Variants in NEURL1 observed in about 807,000 individuals in gnomAD.
The protein encoded by NEURL1 is neuralized E3 ubiquitin protein ligase 1, also known as E3 ubiquitin-protein ligase NEURL1.
Under a neutral mutation model 41.2 loss-of-function variants are expected in NEURL1, and 26 were observed. The observed-to-expected ratio is 0.63, with a 90% confidence interval of 0.46 to 0.87. The LOEUF (loss-of-function observed/expected upper bound fraction) is 0.87. NEURL1 is among the 40% of genes least tolerant of loss of function. The pLI, the probability that NEURL1 is intolerant of heterozygous loss-of-function variation, is 0.00. For missense variants in NEURL1, 761 were observed against 871.1 expected, an observed-to-expected ratio of 0.87 and a Z score of 1.59; for synonymous variants, 400 against 402.3, an observed-to-expected ratio of 0.99 and a Z score of 0.07.
At chr10:103,589,380 C>A in intron 4 of NEURL1, 134 bp from the exon 5 acceptor site, 1 of 976,728 alleles carries the variant, frequency 1.0e-6, no homozygotes, top group Middle Eastern at 2.2e-4. Flanking sequence ...CCGCGCCAGC[C>A]TGCAAAATCC....
At chr10:103,587,958 C>T (rs541206813) in intron 4 of NEURL1, among the ~76,000 whole-genome samples, 1 of 152,268 alleles carries the variant, frequency 6.6e-6, no homozygotes, top group Admixed American at 6.5e-5. Context: ...GTGTGCAGGG[C>T]ATTATGTTAG....
intron 2 of NEURL1, 34 bp from the exon 3 acceptor site, chr10:103,571,467 A>G (rs1250973195): frequency 6.4e-7 from 1 of 1,569,092 alleles, no homozygotes; most frequent in Non-Finnish European, 8.6e-7. Context: ...ACCAAGTGGG[A>G]GAGGGTGGGC....
intron 1 of NEURL1, among the ~76,000 whole-genome samples, chr10:103,552,085 G>A (rs1211703766): frequency 1.3e-5 from 2 of 152,160 alleles, no homozygotes; most frequent in African/African-American, 2.4e-5. Flanking sequence ...TGTGAAGCCC[G>A]AGGGGAGTGA....
At chr10:103,568,897 C>T (rs2035481398) in intron 1 of NEURL1, among the ~76,000 whole-genome samples, 1 of 152,210 alleles carries the variant, frequency 6.6e-6, no homozygotes, top group African/African-American at 2.4e-5. Context: ...TCACTGCAAC[C>T]TCCACCTTCT....
At chr10:103,590,020 C>T (rs554336799) in intron 5 of NEURL1, 114 bp from the exon 6 acceptor site, 7 of 1,087,248 alleles carry the variant, frequency 6.4e-6, no homozygotes, top group Non-Finnish European at 9.5e-6. Flanking sequence ...TCAGGGTGAA[C>T]AGGCAGATCC....
chr10:103,588,084 C>A (rs2035959127), intron 4 of NEURL1, among the ~76,000 whole-genome samples: 1 of 151,734 alleles, frequency 6.6e-6, no homozygotes, highest in African/African-American at 2.4e-5. Context: ...GCGGGTGGAT[C>A]ACAAGGTCAG....
intron 1 of NEURL1, among the ~76,000 whole-genome samples, chr10:103,568,977 G>A (rs561274739): frequency 6.6e-6 from 1 of 152,216 alleles, no homozygotes; most frequent in South Asian, 2.1e-4. Context: ...ACCACGCCCA[G>A]CTAATTTTTG....
chr10:103,495,784 A>G (rs1372019192), intron 1 of NEURL1, among the ~76,000 whole-genome samples: 1 of 152,212 alleles, frequency 6.6e-6, no homozygotes, highest in Non-Finnish European at 1.5e-5. Flanking sequence ...GGAAATTAAT[A>G]TGGCAATACA....
At chr10:103,495,253 C>G (rs1417885995) in intron 1 of NEURL1, among the ~76,000 whole-genome samples, 2 of 152,196 alleles carry the variant, frequency 1.3e-5, no homozygotes, top group African/African-American at 2.4e-5. Context: ...CTCCCGGGCC[C>G]TCAGACCCTA....
chr10:103,536,424 G>C (rs184225335), intron 1 of NEURL1, among the ~76,000 whole-genome samples: 1 of 152,030 alleles, frequency 6.6e-6, no homozygotes, highest in African/African-American at 2.4e-5. Context: ...GGCACCTGTA[G>C]TTCCAGCTAC....
At chr10:103,519,107 C>T (rs1333363425) in intron 1 of NEURL1, among the ~76,000 whole-genome samples, 1 of 151,896 alleles carries the variant, frequency 6.6e-6, no homozygotes, top group Non-Finnish European at 1.5e-5. Context: ...ATTAGCTGGG[C>T]ATGGTGGCGG....
At position 103,580,066 on chromosome 10, in the gene NEURL1, G is replaced by A. The variant is rs562042079; in HGVS notation, c.650-4470G>A. On this transcript the variant is annotated intron_variant, in intron 3 of 5. Coordinates refer to ENST00000369780, the MANE Select transcript of NEURL1 (RefSeq NM_004210.5). ...TCTCCCAGACTCCCTGCCCAGGGCTGGGCACACAGTAGGTCAGTGAGTAGG... is the reference window on the plus strand; with the variant it reads ...TCTCCCAGACTCCCTGCCCAGGGCTAGGCACACAGTAGGTCAGTGAGTAGG... Among the ~76,000 whole-genome samples the A allele has an allele frequency of 2.6e-5, 4 of 152,248 alleles. No individual in the cohort carries two copies. The East Asian group carries it at 7.7e-4, about 29-fold the overall frequency.
At chr10:103,494,967 T>C (rs953601389) in intron 1 of NEURL1, among the ~76,000 whole-genome samples, 87 of 152,348 alleles carry the variant, frequency 5.7e-4, no homozygotes, top group African/African-American at 2.0e-3. Flanking sequence ...TGCTGGTTCC[T>C]GGGGTCCTTT....
chr10:103,569,739 C>T (rs187240887), intron 1 of NEURL1, among the ~76,000 whole-genome samples: 4 of 152,332 alleles, frequency 2.6e-5, no homozygotes, highest in South Asian at 4.1e-4. Flanking sequence ...CGTCTTGTCT[C>T]CTTGGTGAGG....
intron 1 of NEURL1, among the ~76,000 whole-genome samples, chr10:103,567,173 A>C (rs2035443352): frequency 6.6e-6 from 1 of 151,694 alleles, no homozygotes; most frequent in South Asian, 2.1e-4. Flanking sequence ...TAGTAGAGAC[A>C]GGGTTTCACC....
chr10:103,495,655 T>C (rs2033665321), intron 1 of NEURL1, among the ~76,000 whole-genome samples: 1 of 152,184 alleles, frequency 6.6e-6, no homozygotes, highest in Non-Finnish European at 1.5e-5. Flanking sequence ...AGTTAACTTT[T>C]AAGACCAGGG....
intron 1 of NEURL1, among the ~76,000 whole-genome samples, chr10:103,523,869 A>G (rs1320931802): frequency 6.6e-6 from 1 of 152,188 alleles, no homozygotes; most frequent in South Asian, 2.1e-4. Flanking sequence ...GGTTGATTTC[A>G]TATCTTGGCT....
At chr10:103,588,459 G>A (rs1465446658) in intron 4 of NEURL1, among the ~76,000 whole-genome samples, 1 of 152,148 alleles carries the variant, frequency 6.6e-6, no homozygotes, top group Non-Finnish European at 1.5e-5. Context: ...GTGGTCTGGG[G>A]GTAGTCAGGG....
chr10:103,587,419 C>T (rs1195782422), intron 4 of NEURL1, among the ~76,000 whole-genome samples: 1 of 152,166 alleles, frequency 6.6e-6, no homozygotes, highest in East Asian at 1.9e-4. Flanking sequence ...TGAAGAAGAA[C>T]CACCCAGAAT....
Sources: allele counts gnomAD v4.1 joint callset (sites outside exome capture counted in the v4.1 genomes callset), GRCh38; gene constraint gnomAD v4.1.1; transcripts MANE v1.5; gene names NCBI Gene and HGNC (gene_info 2026-07-23, HGNC 2026-07-21).